The following LPCAT3 variants were observed in gnomAD, a reference collection of about 807,000 sequenced individuals.
The protein encoded by LPCAT3 is lysophospholipid acyltransferase 5.
In LPCAT3, 21 loss-of-function variants were observed where a neutral mutation model predicts 63.4. The observed-to-expected ratio is 0.33, with a 90% CI of 0.23 to 0.48. The LOEUF (loss-of-function observed/expected upper bound fraction) is 0.48. Ranked by LOEUF, LPCAT3 falls within the 20% of genes least tolerant of loss-of-function variation. The pLI is 0.99. For synonymous variants in LPCAT3, 242 were observed against 227.5 expected, an observed-to-expected ratio of 1.06 and a Z score of -0.58; for missense variants, 451 against 590.6, an observed-to-expected ratio of 0.76 and a Z score of 2.45.
chr12:6,992,463 T>C (rs1555155609), intron 1 of LPCAT3, among the ~76,000 whole-genome samples: 1 of 152,240 alleles, frequency 6.6e-6, no homozygotes. Context: ...TGATTTGTGC[T>C]AAGGCGCCAG....
intron 1 of LPCAT3, among the ~76,000 whole-genome samples, chr12:6,990,305 C>T (rs913274310): frequency 1.1e-3 from 160 of 150,762 alleles, no homozygotes; most frequent in Admixed American, 2.2e-3. Flanking sequence ...GTCAGGAGAT[C>T]GAGACCATCC....
At chr12:7,005,855 C>T (rs1946722018) in intron 1 of LPCAT3, among the ~76,000 whole-genome samples, 1 of 152,148 alleles carries the variant, frequency 6.6e-6, no homozygotes, top group Admixed American at 6.6e-5. Flanking sequence ...TTCTCCTATT[C>T]TGTGGGATAG....
At chr12:6,981,979 T>A in intron 3 of LPCAT3, 75 bp from the exon 4 acceptor site, 1 of 812,392 alleles carries the variant, frequency 1.2e-6, no homozygotes, top group Non-Finnish European at 2.1e-6. Context: ...ATGTTCTCTT[T>A]CCTTTTTCCT....
intron 6 of LPCAT3, chr12:6,979,792 A>C (rs1555153840): frequency 3.5e-6 from 2 of 577,572 alleles, no homozygotes; most frequent in Admixed American, 6.1e-5. Context: ...TAAGAGTTGT[A>C]GGAAAGTCAG....
Position 6,977,336 on chromosome 12 carries a change from C to G in LPCAT3, c.1347+31G>C. On this transcript the variant is annotated intron_variant, in intron 11 of 12. Coordinates refer to ENST00000261407, the MANE Select transcript of LPCAT3 (RefSeq NM_005768.6). The surrounding 1 kb of genome is among the most constrained non-coding windows in gnomAD (Gnocchi z 4.5). ...CAACCTTTGAGGTTGCAGTGAGTCC[C>G]TCCCAGTCTCACAAGCAGGCCTTCA... 6.2e-7 allele frequency: 1 copy of G among 1,613,770 alleles called. No individual in the cohort carries two copies.
At chr12:6,990,916 CAA>C (rs59031613) in intron 1 of LPCAT3, among the ~76,000 whole-genome samples, 14 of 68,090 alleles carry the variant, frequency 2.1e-4, no homozygotes, top group Non-Finnish European at 4.3e-4. Context: ...GACTCCAAAT[CAA>C]AAAAAAAAAA....
At chr12:6,990,215 TAAAA>T (rs1160111302) in intron 1 of LPCAT3, among the ~76,000 whole-genome samples, 20 of 147,072 alleles carry the variant, frequency 1.4e-4, no homozygotes, top group African/African-American at 4.6e-4. Flanking sequence ...TAAATAAAAA[TAAAA>T]AAAATATAAG....
intron 2 of LPCAT3, chr12:6,983,128 A>T (rs1946487625): frequency 2.0e-6 from 1 of 493,302 alleles, no homozygotes; most frequent in African/African-American, 2.0e-5. Flanking sequence ...GTGAAGAATG[A>T]ATCTAAGTGG....
At chr12:6,986,497 A>T (rs1413682705) in intron 1 of LPCAT3, among the ~76,000 whole-genome samples, 1 of 152,084 alleles carries the variant, frequency 6.6e-6, no homozygotes, top group Non-Finnish European at 1.5e-5. Context: ...GTCAAAAGTT[A>T]TATGTGGCCG....
At chr12:6,996,221 T>C (rs782669640) in intron 1 of LPCAT3, among the ~76,000 whole-genome samples, 30 of 152,360 alleles carry the variant, frequency 2.0e-4, no homozygotes, top group African/African-American at 7.0e-4. Context: ...CTTGGTGCCT[T>C]CACATGGTAA....
At chr12:7,016,584 T>G (rs1946799066) in intron 1 of LPCAT3, among the ~76,000 whole-genome samples, 1 of 152,056 alleles carries the variant, frequency 6.6e-6, no homozygotes, top group African/African-American at 2.4e-5. Context: ...GCCTAATTTT[T>G]TGTAGAGACA....
At chr12:6,978,757 C>G in intron 7 of LPCAT3, 68 bp from the exon 8 acceptor site, 4 of 1,586,480 alleles carry the variant, frequency 2.5e-6, no homozygotes, top group Non-Finnish European at 2.6e-6. Flanking sequence ...AGCACTCTTC[C>G]TTTTCACACT....
Position 6,979,570 on chromosome 12 carries a change from A to G in LPCAT3, c.687T>C (p.Pro229=), listed in dbSNP as rs1946448230. The change falls in exon 7 of 13, where the codon CCT becomes CCC. Residue 229 remains proline (P), a synonymous_variant. Coordinates refer to ENST00000261407, the MANE Select transcript of LPCAT3 (RefSeq NM_005768.6). ...IPGKIPNSII[P]ALKRLSLGLF... Reference sequence around the variant, plus strand: ...GGCCCAGACTCAGGCGCTTGAGAGCAGGAATGATGCTGGAAAGGAACGAGT... The same window carrying G: ...GGCCCAGACTCAGGCGCTTGAGAGCGGGAATGATGCTGGAAAGGAACGAGT... 6.2e-6 allele frequency: 10 copies of G among 1,612,374 alleles called. No homozygotes were observed. The highest frequency in any genetic ancestry group is 8.5e-6 in the Non-Finnish European group (10 of 1,178,366).
In LPCAT3 at chr12:6,990,759, A is replaced by G. The variant is rs782510835; in HGVS notation, c.152-7220T>C. 1.2e-4 allele frequency among the ~76,000 whole-genome samples: 18 copies of G among 150,600 alleles called. No individual in the cohort carries two copies. In the South Asian group the frequency reaches 2.3e-3, roughly 19 times the overall value. On this transcript the variant is annotated intron_variant, in intron 1 of 12. Coordinates refer to ENST00000261407, the MANE Select transcript of LPCAT3 (RefSeq NM_005768.6). ...CCAACATGGTGAAACCCTACTAAAAATACAAAAACCAGCCAGACATGGTGG... is the reference window on the plus strand; with the variant it reads ...CCAACATGGTGAAACCCTACTAAAAGTACAAAAACCAGCCAGACATGGTGG...
At position 7,018,449 on chromosome 12, in the gene LPCAT3, A is replaced by T. The variant is rs1946811381; in HGVS notation, c.-25T>A. ...TCTTAACTCCGGGAGCCCCACAGGG[A>T]CCCCCCAGCTCCGCGCGCCCCGAAT... On this transcript the variant is annotated 5_prime_UTR_variant, in exon 1 of 13. Coordinates refer to ENST00000261407, the MANE Select transcript of LPCAT3 (RefSeq NM_005768.6). This position sits in a 1 kb window ranked among gnomAD's most constrained non-coding sequence, Gnocchi z 4.9. 9 of 1,571,506 alleles carry T rather than the reference A, an allele frequency of 5.7e-6. No homozygotes were observed. Among genetic ancestry groups the T allele is most frequent in the Non-Finnish European group, 7.8e-6 (9 of 1,155,912 alleles).
intron 1 of LPCAT3, among the ~76,000 whole-genome samples, chr12:6,991,799 G>C (rs1946592361): frequency 6.6e-6 from 1 of 152,290 alleles, no homozygotes; most frequent in South Asian, 2.1e-4. Context: ...TATGCAACTT[G>C]AATAATCGCC....
At chr12:6,995,230 C>T (rs1219029401) in intron 1 of LPCAT3, among the ~76,000 whole-genome samples, 3 of 151,826 alleles carry the variant, frequency 2.0e-5, no homozygotes, top group African/African-American at 4.8e-5. Context: ...AATCCCAGCA[C>T]TTTGGGAGGC....
At chr12:6,983,025 A>G (rs782655100) in intron 2 of LPCAT3, 14 of 589,072 alleles carry the variant, frequency 2.4e-5, no homozygotes, top group Non-Finnish European at 4.1e-5. Context: ...TCTGTTGTCC[A>G]GACTTGAGTG....
At chr12:6,982,560 C>G in intron 3 of LPCAT3, 116 bp downstream of exon 3, 1 of 727,294 alleles carries the variant, frequency 1.4e-6, no homozygotes, top group Non-Finnish European at 2.4e-6. Context: ...CTGCTAAGTG[C>G]TGGGAGAGGG....
Sources: allele counts gnomAD v4.1 joint callset (sites outside exome capture counted in the v4.1 genomes callset), GRCh38; gene constraint gnomAD v4.1.1; non-coding constraint Gnocchi (gnomAD v3.1); transcripts MANE v1.5; gene names NCBI Gene and HGNC (gene_info 2026-07-23, HGNC 2026-07-21).